MARCHF6: variants seen among roughly 807,000 people sequenced by gnomAD.
MARCHF6 encodes E3 ubiquitin-protein ligase MARCHF6.
In MARCHF6, 31 loss-of-function variants were observed where a neutral mutation model predicts 133.7. The ratio of observed to expected loss-of-function variants is 0.23; its 90% CI spans 0.17 to 0.31. The LOEUF (loss-of-function observed/expected upper bound fraction) is 0.31, where lower values mean the gene tolerates loss of function less well. MARCHF6 is among the 10% of genes least tolerant of loss of function. The probability of loss-of-function intolerance (pLI) is 1.00; values close to 1 mark genes in which losing one functional copy is unlikely to be tolerated. For synonymous variants in MARCHF6, 395 were observed against 402.5 expected, an observed-to-expected ratio of 0.98 and a Z score of 0.22; for missense variants, 723 against 1,121.6, an observed-to-expected ratio of 0.64 and a Z score of 5.08.
intron 1 of MARCHF6, among the ~76,000 whole-genome samples, chr5:10,368,423 A>T (rs1356363603): frequency 6.6e-6 from 1 of 152,164 alleles, no homozygotes; most frequent in African/African-American, 2.4e-5. Context: ...GCTTGAGCCC[A>T]GGAGTTTGAG....
At chr5:10,410,957 A>G (rs1482128664) in intron 18 of MARCHF6, among the ~76,000 whole-genome samples, 1 of 152,164 alleles carries the variant, frequency 6.6e-6, no homozygotes, top group Non-Finnish European at 1.5e-5. Context: ...TAGATCCTTA[A>G]CAATATTGTA....
At chr5:10,386,881 A>G in intron 4 of MARCHF6, 113 bp from the exon 5 acceptor site, 1 of 746,130 alleles carries the variant, frequency 1.3e-6, no homozygotes, top group Non-Finnish European at 2.4e-6. Context: ...TAAAGACTAA[A>G]TGTTTATTTC....
intron 6 of MARCHF6, 78 bp from the exon 7 acceptor site, chr5:10,391,464 T>TGG: frequency 2.3e-6 from 1 of 431,754 alleles, no homozygotes; most frequent in Non-Finnish European, 4.0e-6. Flanking sequence ...TTTTTTTTTT[T>TGG]AGCAGGAATA....
At position 10,417,297 on chromosome 5, in the gene MARCHF6, C is replaced by G; in HGVS notation, c.2176C>G (p.Leu726Val). 6.2e-7 allele frequency: 1 copy of G among 1,613,750 alleles called. No individual in the cohort carries two copies. The highest frequency in any genetic ancestry group is 8.5e-7 in the Non-Finnish European group (1 of 1,179,942). Residue 726 changes from leucine to valine, a missense_variant, in exon 22 of 26, where the codon CTG (leucine) becomes GTG (valine). Physicochemically the swap from Leu to Val is conservative, Grantham distance 32. Around this residue, in one of 4 missense-constraint regions of MARCHF6, gnomAD observed 492 missense variants for 699.5 expected, o/e 0.70. Transcript: ENST00000274140. ...CATGAAGACTTTGATAGTTGCGGTG[C>G]TGTTGGCTGGAGTTGTCCCTCTCCT... is the stretch of plus-strand genomic sequence containing the variant. ...MIMKTLIVAVLLAGVVPLLLG... is the reference protein window; with the variant it reads ...MIMKTLIVAVVLAGVVPLLLG...
chr5:10,433,011 T>G (rs1740442885), intron 25 of MARCHF6, among the ~76,000 whole-genome samples: 1 of 151,986 alleles, frequency 6.6e-6, no homozygotes, highest in African/African-American at 2.4e-5. Context: ...TCAGCAGTTC[T>G]TCTGCCTCAG....
chr5:10,429,405 T>TC (rs1447387093), intron 24 of MARCHF6, among the ~76,000 whole-genome samples: 1 of 151,700 alleles, frequency 6.6e-6, no homozygotes. Flanking sequence ...CTTTTTTTTT[T>TC]TTTTTTTGAG....
chr5:10,414,350 A>G, intron 19 of MARCHF6, 83 bp from the exon 20 acceptor site: 1 of 773,786 alleles, frequency 1.3e-6, no homozygotes, highest in Middle Eastern at 2.4e-4. Context: ...TTTCTTTTTA[A>G]TGGGAAGATT....
chr5:10,426,665 C>T, intron 24 of MARCHF6, 143 bp downstream of exon 24: 3 of 915,754 alleles, frequency 3.3e-6, no homozygotes, highest in East Asian at 2.6e-5. Context: ...TTCAAAATAC[C>T]ACTTTTCTTA....
chr5:10,417,891 A>G (rs1400464613), intron 22 of MARCHF6, among the ~76,000 whole-genome samples: 1 of 152,056 alleles, frequency 6.6e-6, no homozygotes, highest in Non-Finnish European at 1.5e-5. Flanking sequence ...TAACTCCTTT[A>G]AAAGTGCTTA....
intron 1 of MARCHF6, among the ~76,000 whole-genome samples, chr5:10,373,594 G>A (rs1310625575): frequency 6.6e-6 from 1 of 152,192 alleles, no homozygotes; most frequent in African/African-American, 2.4e-5. Flanking sequence ...CAATGTGCCA[G>A]CAGGACTGTC....
chr5:10,364,805 CTTT>C (rs764184316), intron 1 of MARCHF6, among the ~76,000 whole-genome samples: 10 of 152,232 alleles, frequency 6.6e-5, no homozygotes, highest in Admixed American at 3.3e-4. Context: ...TCTGCTTCTT[CTTT>C]ATTTTTATTT....
intron 1 of MARCHF6, among the ~76,000 whole-genome samples, chr5:10,360,937 T>C (rs1735783489): frequency 6.6e-6 from 1 of 152,252 alleles, no homozygotes; most frequent in Non-Finnish European, 1.5e-5. Flanking sequence ...AGGCTTACTT[T>C]AGTGGGTTTT....
chr5:10,392,929 T>C (rs1376786032), intron 7 of MARCHF6, among the ~76,000 whole-genome samples: 2 of 152,214 alleles, frequency 1.3e-5, no homozygotes, highest in Admixed American at 6.5e-5. Flanking sequence ...ACACTGAGCA[T>C]ATAACTGTGA....
chr5:10,356,445 A>G (rs1017215774), intron 1 of MARCHF6, among the ~76,000 whole-genome samples: 1 of 146,600 alleles, frequency 6.8e-6, no homozygotes, highest in African/African-American at 2.5e-5. Flanking sequence ...GCCCAGGCTG[A>G]AGTGCAGTGG....
chr5:10,376,351 C>T (rs915946179), intron 1 of MARCHF6, among the ~76,000 whole-genome samples: 3 of 152,108 alleles, frequency 2.0e-5, no homozygotes, highest in Non-Finnish European at 2.9e-5. Context: ...CAGCTTCACT[C>T]CTGAGCCAGC....
intron 20 of MARCHF6, 121 bp downstream of exon 20, chr5:10,414,623 G>A (rs1347042433): frequency 1.4e-6 from 1 of 717,228 alleles, no homozygotes; most frequent in Admixed American, 2.6e-5. Context: ...GCTTACTGCA[G>A]CCTTGAACTA....
At chr5:10,414,126 T>A (rs986595285) in intron 19 of MARCHF6, among the ~76,000 whole-genome samples, 2 of 141,990 alleles carry the variant, frequency 1.4e-5, no homozygotes, top group Non-Finnish European at 3.0e-5. Context: ...TGAATGTTTT[T>A]AATTTGTAAT....
At chr5:10,380,206 G>A (rs1271371253) in intron 3 of MARCHF6, among the ~76,000 whole-genome samples, 2 of 150,690 alleles carry the variant, frequency 1.3e-5, no homozygotes, top group African/African-American at 4.9e-5. Flanking sequence ...AGCATCTTGA[G>A]CTTCTCGATA....
At chr5:10,386,923 G>A in intron 4 of MARCHF6, 71 bp from the exon 5 acceptor site, 2 of 1,144,918 alleles carry the variant, frequency 1.7e-6, no homozygotes, top group Non-Finnish European at 2.6e-6. Context: ...CTTTACCTCT[G>A]CTTTCTTGAG....
Sources: gnomAD v4.1 joint callset for allele counts (sites outside exome capture counted in the v4.1 genomes callset) on GRCh38, gnomAD v4.1.1 for gene constraint, gnomAD v4.1.1 regional missense constraint, MANE v1.5 for transcripts, NCBI Gene and HGNC (gene_info 2026-07-23, HGNC 2026-07-21) for gene names.